The following FMN1 variants were observed in gnomAD, a reference collection of about 807,000 sequenced individuals.
FMN1 encodes formin 1.
In FMN1, 110 loss-of-function variants were observed where a neutral mutation model predicts 132.4. The observed-to-expected ratio is 0.83, with a 90% CI of 0.71 to 0.97. The LOEUF (loss-of-function observed/expected upper bound fraction) is 0.97, where lower values mean the gene tolerates loss of function less well. Ranked by LOEUF, FMN1 falls within the 50% of genes least tolerant of loss-of-function variation. FMN1 has a pLI of 0.00. For missense variants in FMN1, 1,792 were observed against 1,705.3 expected (o/e 1.05, Z -0.90); for synonymous variants, 722 against 651.7 (o/e 1.11, Z -1.64).
At chr15:33,074,385 G>A (rs771579620) in intron 5 of FMN1, among the ~76,000 whole-genome samples, 1 of 152,136 alleles carries the variant, frequency 6.6e-6, no homozygotes, top group Non-Finnish European at 1.5e-5. Context: ...CCAATGCAAC[G>A]CTTACAACAG....
At chr15:32,785,016 G>A (rs574143647) in intron 19 of FMN1, among the ~76,000 whole-genome samples, 1,810 of 151,384 alleles carry the variant, frequency 0.012, 34 homozygotes, top group African/African-American at 0.042. Flanking sequence ...AACTTTTTTT[G>A]GAGGGGGGTT....
chr15:32,832,891 T>C (rs1263900263), intron 17 of FMN1, among the ~76,000 whole-genome samples: 2 of 152,170 alleles, frequency 1.3e-5, no homozygotes, highest in South Asian at 2.1e-4. Flanking sequence ...CCTAAATATG[T>C]TGCCTTCTAA....
chr15:32,947,116 C>T (rs982926098), intron 9 of FMN1, among the ~76,000 whole-genome samples: 6 of 152,056 alleles, frequency 3.9e-5, no homozygotes, highest in African/African-American at 9.7e-5. Context: ...CGTATAAGGC[C>T]AAAAGATAGG....
intron 9 of FMN1, among the ~76,000 whole-genome samples, chr15:32,956,104 T>C (rs528767115): frequency 3.2e-4 from 48 of 152,170 alleles, no homozygotes; most frequent in Non-Finnish European, 5.9e-4. Flanking sequence ...GGGCAGTTAC[T>C]CTCTTCCAGG....
At chr15:33,181,707 C>CTTTTT (rs753993602) in intron 2 of FMN1, among the ~76,000 whole-genome samples, 61 of 126,186 alleles carry the variant, frequency 4.8e-4, no homozygotes, top group Non-Finnish European at 8.7e-4. Flanking sequence ...TTTTTTCTTT[C>CTTTTT]TTTTTTTTTT....
At chr15:32,979,283 T>C (rs2032451237) in intron 7 of FMN1, among the ~76,000 whole-genome samples, 2 of 152,196 alleles carry the variant, frequency 1.3e-5, no homozygotes, top group South Asian at 2.1e-4. Context: ...TCGCCCGGCA[T>C]GGTGGTTCAC....
At chr15:32,799,827 T>C (rs2057418160) in intron 18 of FMN1, among the ~76,000 whole-genome samples, 1 of 152,188 alleles carries the variant, frequency 6.6e-6, no homozygotes, top group African/African-American at 2.4e-5. Flanking sequence ...CACCCCCACC[T>C]ACCCCAAGCC....
chr15:32,987,438 G>A (rs2033138406), intron 7 of FMN1, among the ~76,000 whole-genome samples: 1 of 152,056 alleles, frequency 6.6e-6, no homozygotes, highest in African/African-American at 2.4e-5. Context: ...AGATCACTAG[G>A]AATTTCAACG....
intron 10 of FMN1, among the ~76,000 whole-genome samples, chr15:32,913,619 A>G (rs1473931734): frequency 6.6e-6 from 1 of 152,108 alleles, no homozygotes; most frequent in Non-Finnish European, 1.5e-5. Context: ...CCCTCACATC[A>G]TTAAGTCCTC....
In FMN1 at chr15:33,089,085, GCTTT is replaced by G. The variant is rs544543525; in HGVS notation, c.1868-115_1868-112del. The G allele has an allele frequency of 4.3e-4, 361 of 840,328 alleles. 1 individual carries two copies. The South Asian group carries it at 6.1e-3, about 14-fold the overall frequency. 52.1% of individuals were successfully genotyped at this position (840,328 alleles called of 1,614,324 possible). On this transcript the variant is annotated intron_variant, in intron 4 of 20. Coordinates refer to ENST00000616417, the MANE Select transcript of FMN1 (RefSeq NM_001277313.2). ...ACTTCTCTATGCTAGCTCTTACTTT[GCTTT>G]CTAAGTTATATTTTTAAGAGACTGC...
chr15:32,777,634 G>A (rs952042475), intron 19 of FMN1, among the ~76,000 whole-genome samples: 3 of 136,548 alleles, frequency 2.2e-5, no homozygotes, highest in East Asian at 4.2e-4. Context: ...TATATATTAC[G>A]TATAACATAA....
Position 32,772,452 on chromosome 15 carries a change from T to C in FMN1, c.*1858A>G, listed in dbSNP as rs2056280171. The C allele has an allele frequency of 6.6e-6, 1 of 152,230 alleles. No homozygotes were observed. Among genetic ancestry groups the C allele is most frequent in the Admixed American group, 6.5e-5 (1 of 15,278 alleles). The allele number at this position is 152,230 out of a possible 1,614,324, so 9.4% of individuals were successfully genotyped here. A position where few individuals can be genotyped will look rare whatever the true frequency, so the allele number is the denominator to read the frequency against. On this transcript the variant is annotated 3_prime_UTR_variant, in exon 21 of 21. Coordinates refer to ENST00000616417, the MANE Select transcript of FMN1 (RefSeq NM_001277313.2). The stretch of plus-strand genomic sequence containing the variant: ...GAGCATACAATGGTTATAAGTGGAA[T>C]CAGTTTTTAATTGATCCGTTCTTTT...
chr15:32,880,383 C>T (rs1236516310), intron 16 of FMN1, among the ~76,000 whole-genome samples: 1 of 152,120 alleles, frequency 6.6e-6, no homozygotes, highest in Non-Finnish European at 1.5e-5. Context: ...CTTGTCCAAA[C>T]GTTCAGATAT....
intron 19 of FMN1, among the ~76,000 whole-genome samples, chr15:32,781,089 T>C (rs573738070): frequency 2.0e-5 from 3 of 152,334 alleles, no homozygotes; most frequent in Admixed American, 2.0e-4. Context: ...TCTTAAAGAA[T>C]ATATGATGCA....
intron 5 of FMN1, among the ~76,000 whole-genome samples, chr15:33,069,696 T>C (rs1018268749): frequency 1.3e-5 from 2 of 152,206 alleles, no homozygotes; most frequent in African/African-American, 4.8e-5. Flanking sequence ...AAACGCATCA[T>C]TGCATCCCAT....
intron 16 of FMN1, among the ~76,000 whole-genome samples, chr15:32,863,905 AACTG>A (rs1419700752): frequency 5.9e-5 from 9 of 152,262 alleles, no homozygotes; most frequent in African/African-American, 2.2e-4. Context: ...ATTGGCCTTA[AACTG>A]ACTAAGGAAT....
Position 32,900,290 on chromosome 15 carries a change from C to A in FMN1, c.3508-165G>T, listed in dbSNP as rs1167782685. 3.6e-5 allele frequency: 27 copies of A among 744,152 alleles called. No homozygotes were observed. In the East Asian group the frequency reaches 6.9e-4, roughly 19 times the overall value. The allele number at this position is 744,152 out of a possible 1,614,324, so 46.1% of individuals were successfully genotyped here. A position where few individuals can be genotyped will look rare whatever the true frequency, so the allele number is the denominator to read the frequency against. ...ACACACTTTACTAAGCCATGAGTGT[C>A]TTTACAAACACATTAACAGCCATTA... On this transcript the variant is annotated intron_variant, in intron 13 of 20. Coordinates refer to ENST00000616417, the MANE Select transcript of FMN1 (RefSeq NM_001277313.2).
chr15:32,941,675 T>C (rs1460572990), intron 9 of FMN1, among the ~76,000 whole-genome samples: 1 of 152,152 alleles, frequency 6.6e-6, no homozygotes, highest in African/African-American at 2.4e-5. Context: ...TTAAGAGACT[T>C]TTGGCAGTGA....
intron 6 of FMN1, among the ~76,000 whole-genome samples, chr15:33,041,269 A>C (rs138785398): frequency 7.4e-4 from 112 of 152,140 alleles, no homozygotes; most frequent in African/African-American, 2.5e-3. Context: ...ATTAACCAGA[A>C]ATCTTCAACC....
Sources: allele counts gnomAD v4.1 joint callset (sites outside exome capture counted in the v4.1 genomes callset), GRCh38; gene constraint gnomAD v4.1.1; transcripts MANE v1.5; gene names NCBI Gene and HGNC (gene_info 2026-07-23, HGNC 2026-07-21).